The following NCBP2 variants were observed in gnomAD, a reference collection of about 807,000 sequenced individuals.
The protein encoded by NCBP2 is nuclear cap-binding protein subunit 2.
Under a neutral mutation model 21.5 loss-of-function variants are expected in NCBP2, and 8 were observed. The observed-to-expected ratio is 0.37, with a 90% CI of 0.22 to 0.67. The LOEUF is 0.67. Among genes scored for constraint, NCBP2 ranks in the 30% least tolerant of loss-of-function variants. NCBP2 has a pLI of 0.56. For missense variants in NCBP2, 127 were observed against 206.9 expected, an observed-to-expected ratio of 0.61 and a Z score of 2.37; for synonymous variants, 92 against 75.8, an observed-to-expected ratio of 1.21 and a Z score of -1.11.
At chr3:196,939,201 C>CT (rs1716411906) in intron 2 of NCBP2, 50 bp downstream of exon 2, 2 of 1,544,158 alleles carry the variant, frequency 1.3e-6, no homozygotes, top group South Asian at 2.2e-5. Flanking sequence ...AGCTACCACT[C>CT]TCAGCTCTAC....
chr3:196,940,535 T>C (rs968048286), intron 1 of NCBP2, among the ~76,000 whole-genome samples: 1 of 151,978 alleles, frequency 6.6e-6, no homozygotes, highest in African/African-American at 2.4e-5. Flanking sequence ...TTCTCACACA[T>C]GTAAGTAAGA....
chr3:196,936,754 A>G lies in NCBP2; in HGVS notation c.*257T>C, dbSNP rs535460218. ...AAGACTAATCAACATTACAGATCCA[A>G]TCTGTTGTCAAAGAACACAATTTCT... is the stretch of plus-strand genomic sequence containing the variant. On this transcript the variant is annotated 3_prime_UTR_variant, in exon 4 of 4. Coordinates refer to ENST00000321256, the MANE Select transcript of NCBP2 (RefSeq NM_007362.5). 4 of 549,546 alleles carry G rather than the reference A, an allele frequency of 7.3e-6. No individual in the cohort carries two copies. The South Asian group carries it at 8.5e-5, about 12-fold the overall frequency. 34.0% of individuals were successfully genotyped at this position (549,546 alleles called of 1,614,324 possible). A position where few individuals can be genotyped will look rare whatever the true frequency, so the allele number is the denominator to read the frequency against.
Position 196,935,774 on chromosome 3 carries a change from C to T in NCBP2, c.*1237G>A, listed in dbSNP as rs1160103702. On this transcript the variant is annotated 3_prime_UTR_variant, in exon 4 of 4. Transcript: ENST00000321256. ...TCATATCAGGGAAAATTATACTGGA[C>T]TTAACAGTTTTAAATGAGCAATAAC... 1.3e-5 allele frequency: 2 copies of T among 152,098 alleles called. No homozygotes were observed. Among genetic ancestry groups the T allele is most frequent in the Non-Finnish European group, 2.9e-5 (2 of 68,026 alleles). The allele number at this position is 152,098 out of a possible 1,614,324, so 9.4% of individuals were successfully genotyped here.
In NCBP2 at chr3:196,935,878, C is replaced by T. The variant is rs912823746; in HGVS notation, c.*1133G>A. On this transcript the variant is annotated 3_prime_UTR_variant, in exon 4 of 4. Coordinates refer to ENST00000321256, the MANE Select transcript of NCBP2 (RefSeq NM_007362.5). ...CCTAGACTCCCCTCCCTGTAGAGAC[C>T]ATCAGCTCACTGTGAAGGCTTGAGC... 2 of 152,256 alleles carry T rather than the reference C, an allele frequency of 1.3e-5. No individual in the cohort carries two copies. The highest frequency in any genetic ancestry group is 2.1e-4 in the South Asian group (1 of 4,824). The allele number at this position is 152,256 out of a possible 1,614,324, so 9.4% of individuals were successfully genotyped here. A position where few individuals can be genotyped will look rare whatever the true frequency, so the allele number is the denominator to read the frequency against.
In NCBP2 at chr3:196,936,932, G is replaced by T. The variant is rs574037481; in HGVS notation, c.*79C>A. ...ATCAAATCTTGGTAAAAATGGGCTC[G>T]TGTGCAGACTTTAGGTGATGTTCTT... is the stretch of plus-strand genomic sequence containing the variant. On this transcript the variant is annotated 3_prime_UTR_variant, in exon 4 of 4. Transcript: ENST00000321256. 59 of 1,315,244 alleles carry T rather than the reference G, an allele frequency of 4.5e-5. No homozygotes were observed. In the African/African-American group the frequency reaches 7.8e-4, roughly 17 times the overall value. The allele number at this position is 1,315,244 out of a possible 1,614,324, so 81.5% of individuals were successfully genotyped here.
intron 1 of NCBP2, chr3:196,942,220 A>G: frequency 1.4e-6 from 2 of 1,460,822 alleles, no homozygotes; most frequent in African/African-American, 1.4e-5. Flanking sequence ...GCGAGCCTCC[A>G]GTTCCCCGTC....
intron 2 of NCBP2, 55 bp from the exon 3 acceptor site, chr3:196,937,703 C>G: frequency 6.3e-7 from 1 of 1,597,150 alleles, no homozygotes. Flanking sequence ...AATAGGGGAA[C>G]AACATGTAAA....
At position 196,936,735 on chromosome 3, in the gene NCBP2, A is replaced by C; in HGVS notation, c.*276T>G. On this transcript the variant is annotated 3_prime_UTR_variant, in exon 4 of 4. Transcript: ENST00000321256. Reference sequence around the variant, plus strand: ...AGTGTAGTGGTTATGGCTAAAGACTAATCAACATTACAGATCCAATCTGTT... The same window carrying C: ...AGTGTAGTGGTTATGGCTAAAGACTCATCAACATTACAGATCCAATCTGTT... 2.0e-6 allele frequency: 1 copy of C among 505,914 alleles called. No individual in the cohort carries two copies. Among genetic ancestry groups the C allele is most frequent in the Non-Finnish European group, 3.6e-6 (1 of 281,236 alleles). The allele number at this position is 505,914 out of a possible 1,614,324, so 31.3% of individuals were successfully genotyped here. A position where few individuals can be genotyped will look rare whatever the true frequency, so the allele number is the denominator to read the frequency against.
At chr3:196,937,791 C>G in intron 2 of NCBP2, 143 bp from the exon 3 acceptor site, 1 of 969,060 alleles carries the variant, frequency 1.0e-6, no homozygotes. Flanking sequence ...CTTGCCCAGG[C>G]CTGTTTGCGA....
At chr3:196,938,971 T>A (rs868474921) in intron 2 of NCBP2, 1 of 352,188 alleles carries the variant, frequency 2.8e-6, no homozygotes, top group Non-Finnish European at 5.1e-6. Flanking sequence ...TTTAGAACAG[T>A]ACGAGATTTT....
rs1414029742 is a variant in NCBP2, at chr3:196,935,875, G to A, written c.*1136C>T. The A allele has an allele frequency of 6.6e-6, 1 of 151,882 alleles. No individual in the cohort carries two copies. Among genetic ancestry groups the A allele is most frequent in the Non-Finnish European group, 1.5e-5 (1 of 68,012 alleles). The allele number at this position is 151,882 out of a possible 1,614,324, so 9.4% of individuals were successfully genotyped here. A position where few individuals can be genotyped will look rare whatever the true frequency, so the allele number is the denominator to read the frequency against. The stretch of plus-strand genomic sequence containing the variant: ...TTCCCTAGACTCCCCTCCCTGTAGA[G>A]ACCATCAGCTCACTGTGAAGGCTTG... On this transcript the variant is annotated 3_prime_UTR_variant, in exon 4 of 4. Transcript: ENST00000321256.
At position 196,937,636 on chromosome 3, in the gene NCBP2, G is replaced by A. The variant is rs762022194; in HGVS notation, c.273C>T (p.Arg91=). 15 of 1,613,964 alleles carry A rather than the reference G, an allele frequency of 9.3e-6. No individual in the cohort carries two copies. The highest frequency in any genetic ancestry group is 3.3e-5 in the South Asian group (3 of 91,090). ...CGFCFVEYYS[R]ADAENAMRYI... ...ACCGCATGGCGTTTTCCGCATCTGCGCGTGAGTAATATCTTAAGTATTAAG... is the reference window on the plus strand; with the variant it reads ...ACCGCATGGCGTTTTCCGCATCTGCACGTGAGTAATATCTTAAGTATTAAG... The change falls in exon 3 of 4, where the codon CGC becomes CGT. Residue 91 remains arginine, a synonymous_variant. Transcript: ENST00000321256.
Position 196,936,884 on chromosome 3 carries a change from C to CT in NCBP2, c.*126dup. 1.2e-6 allele frequency: 1 copy of CT among 823,938 alleles called. No individual in the cohort carries two copies. 51.0% of individuals were successfully genotyped at this position (823,938 alleles called of 1,614,324 possible). On this transcript the variant is annotated 3_prime_UTR_variant, in exon 4 of 4. Coordinates refer to ENST00000321256, the MANE Select transcript of NCBP2 (RefSeq NM_007362.5). ...TCTGTCCTTTAATAACTTTCAGAGG[C>CT]TTCCAGCTCAGTAAAGACACTGATC...
intron 1 of NCBP2, chr3:196,939,901 C>T (rs960961747): frequency 2.0e-5 from 3 of 153,358 alleles, no homozygotes; most frequent in African/African-American, 7.2e-5. Context: ...GCTTTACGTG[C>T]TCATAGATCT....
At chr3:196,939,118 G>C in intron 2 of NCBP2, 133 bp downstream of exon 2, 1 of 707,734 alleles carries the variant, frequency 1.4e-6, no homozygotes, top group Non-Finnish European at 2.5e-6. Context: ...ACAGTATAAG[G>C]GCAGAGACAC....
In NCBP2 at chr3:196,935,932, T is replaced by A. The variant is rs936807709; in HGVS notation, c.*1079A>T. 1 of 152,022 alleles carries A rather than the reference T, an allele frequency of 6.6e-6. No individual in the cohort carries two copies. Among genetic ancestry groups the A allele is most frequent in the Non-Finnish European group, 1.5e-5 (1 of 68,002 alleles). 9.4% of individuals were successfully genotyped at this position (152,022 alleles called of 1,614,324 possible). ...AGTAGGTAAAATTTGAGGAAAAAAA[T>A]GAGAAATGGCTAAAAGAGGCATCTG... is the stretch of plus-strand genomic sequence containing the variant. On this transcript the variant is annotated 3_prime_UTR_variant, in exon 4 of 4. Coordinates refer to ENST00000321256, the MANE Select transcript of NCBP2 (RefSeq NM_007362.5).
In NCBP2 at chr3:196,936,909, CA is replaced by C. The variant is rs1716290470; in HGVS notation, c.*101del. ...CTTCCAGCTCAGTAAAGACACTGAT[CA>C]AATCTTGGTAAAAATGGGCTCGTGT... On this transcript the variant is annotated 3_prime_UTR_variant, in exon 4 of 4. Transcript: ENST00000321256. 2 of 1,080,844 alleles carry C rather than the reference CA, an allele frequency of 1.9e-6. No homozygotes were observed. Among genetic ancestry groups the C allele is most frequent in the Non-Finnish European group, 2.9e-6 (2 of 696,796 alleles). 67.0% of individuals were successfully genotyped at this position (1,080,844 alleles called of 1,614,324 possible). A position where few individuals can be genotyped will look rare whatever the true frequency, so the allele number is the denominator to read the frequency against.
chr3:196,936,935 T>G lies in NCBP2; in HGVS notation c.*76A>C. On this transcript the variant is annotated 3_prime_UTR_variant, in exon 4 of 4. Coordinates refer to ENST00000321256, the MANE Select transcript of NCBP2 (RefSeq NM_007362.5). ...AAATCTTGGTAAAAATGGGCTCGTGTGCAGACTTTAGGTGATGTTCTTCAG... is the reference window on the plus strand; with the variant it reads ...AAATCTTGGTAAAAATGGGCTCGTGGGCAGACTTTAGGTGATGTTCTTCAG... 7.3e-7 allele frequency: 1 copy of G among 1,371,184 alleles called. No individual in the cohort carries two copies. The highest frequency in any genetic ancestry group is 1.0e-6 in the Non-Finnish European group (1 of 958,588). 84.9% of individuals were successfully genotyped at this position (1,371,184 alleles called of 1,614,324 possible). A position where few individuals can be genotyped will look rare whatever the true frequency, so the allele number is the denominator to read the frequency against.
At chr3:196,937,136 A>T in intron 3 of NCBP2, 54 bp from the exon 4 acceptor site, 1 of 1,513,572 alleles carries the variant, frequency 6.6e-7, no homozygotes, top group Non-Finnish European at 9.2e-7. Context: ...TGTAACAAAT[A>T]TGCCTCCCAC....
Sources: allele counts gnomAD v4.1 joint callset (sites outside exome capture counted in the v4.1 genomes callset), GRCh38; gene constraint gnomAD v4.1.1; transcripts MANE v1.5; gene names NCBI Gene and HGNC (gene_info 2026-07-23, HGNC 2026-07-21).